Variants in PCDH17 observed in about 807,000 individuals in gnomAD.
PCDH17 encodes the protein protocadherin-17.
A neutral mutation model predicts 67.7 loss-of-function variants in PCDH17; 21 were observed. The observed-to-expected ratio is 0.31, with a 90% CI of 0.22 to 0.45. PCDH17 has a LOEUF of 0.45. PCDH17 is among the 20% of genes least tolerant of loss of function. The pLI, the probability that PCDH17 is intolerant of heterozygous loss-of-function variation, is 1.00. For synonymous variants in PCDH17, 701 were observed against 656.7 expected, an observed-to-expected ratio of 1.07 and a Z score of -1.03; for missense variants, 1,471 against 1,564.8, an observed-to-expected ratio of 0.94 and a Z score of 1.01.
At position 57,725,059 on chromosome 13, in the gene PCDH17, G is replaced by T; in HGVS notation, c.3245G>T (p.Ser1082Ile). Residue 1082 changes from serine (S) to isoleucine (I), a missense_variant, in exon 4 of 4, where the codon AGT (serine) becomes ATT (isoleucine). By Grantham distance (142) the Ser-to-Ile change is moderately radical. Coordinates refer to ENST00000377918, the MANE Select transcript of PCDH17 (RefSeq NM_001040429.3). ...LPTDSQYLSP[S>I]KQPRDPPFMA... is the part of the protein sequence containing the mutation. ...ACTGACAGTCAATATCTGTCACCTA[G>T]TAAGCAACCAAGAGACCCTCCCTTC... 1 of 1,614,132 alleles carries T rather than the reference G, an allele frequency of 6.2e-7. No homozygotes were observed. Among genetic ancestry groups the T allele is most frequent in the Non-Finnish European group, 8.5e-7 (1 of 1,180,006 alleles).
At position 57,632,674 on chromosome 13, in the gene PCDH17, G is replaced by C. The variant is rs1175208419; in HGVS notation, c.128G>C (p.Arg43Pro). ...ATCGGGAACATCGGCAGGGATGCTC[G>C]ACTGCAGCCTGGGCTTCCGCCTGCA... Reference protein sequence around the residue: ...TVIGNIGRDARLQPGLPPAER... With the variant: ...TVIGNIGRDAPLQPGLPPAER... The change falls in exon 1 of 4, where the codon CGA becomes CCA. Residue 43 changes from arginine to proline, a missense_variant. Physicochemically the swap from Arg to Pro is moderately radical, Grantham distance 103 (BLOSUM62 -2). This residue lies in a region of PCDH17 where 1,163 missense variants were observed against 1,230.0 expected (regional missense o/e 0.95). Coordinates refer to ENST00000377918, the MANE Select transcript of PCDH17 (RefSeq NM_001040429.3). 1 of 1,611,716 alleles carries C rather than the reference G, an allele frequency of 6.2e-7. No individual in the cohort carries two copies.
Position 57,633,211 on chromosome 13 carries a change from C to T in PCDH17, c.665C>T (p.Pro222Leu). 6.2e-7 allele frequency: 1 copy of T among 1,613,216 alleles called. No individual in the cohort carries two copies. Among genetic ancestry groups the T allele is most frequent in the African/African-American group, 1.3e-5 (1 of 74,984 alleles). ...VLTALDGGEPPRSATVQINVK... is the reference protein window; with the variant it reads ...VLTALDGGEPLRSATVQINVK... ...ACTGCCCTGGACGGTGGCGAGCCTC[C>T]ACGTTCCGCCACCGTACAGATCAAC... The change falls in exon 1 of 4, where the codon CCA becomes CTA. Residue 222 changes from proline to leucine, a missense_variant. This residue lies in a region of PCDH17 where 1,163 missense variants were observed against 1,230.0 expected (regional missense o/e 0.95). Transcript: ENST00000377918. The surrounding 1 kb of genome is among the most constrained non-coding windows in gnomAD (Gnocchi z 6.2).
At chr13:57,668,029 G>A (rs947778138) in intron 3 of PCDH17, among the ~76,000 whole-genome samples, 2 of 151,484 alleles carry the variant, frequency 1.3e-5, no homozygotes, top group African/African-American at 4.8e-5. Flanking sequence ...CTAGACCGAT[G>A]ACTTTTTTCA....
chr13:57,638,304 C>T (rs565191156), intron 1 of PCDH17, among the ~76,000 whole-genome samples: 2 of 151,954 alleles, frequency 1.3e-5, no homozygotes, highest in African/African-American at 4.8e-5. Context: ...AACTGCTTAT[C>T]GTGATTTATC....
chr13:57,644,385 C>CA (rs1555282727), intron 1 of PCDH17, among the ~76,000 whole-genome samples: 1 of 151,408 alleles, frequency 6.6e-6, no homozygotes, highest in African/African-American at 2.4e-5. Context: ...TTTATAGAGA[C>CA]TTTTTTTTCC....
intron 3 of PCDH17, among the ~76,000 whole-genome samples, chr13:57,679,484 A>C (rs932732809): frequency 6.6e-6 from 1 of 151,466 alleles, no homozygotes; most frequent in African/African-American, 2.4e-5. Context: ...ATCACAGCAT[A>C]GGATCATTTT....
chr13:57,692,745 G>C (rs998747597), intron 3 of PCDH17, among the ~76,000 whole-genome samples: 1 of 150,810 alleles, frequency 6.6e-6, no homozygotes, highest in East Asian at 1.9e-4. Context: ...CCCTTTCAAA[G>C]GGGAGAAGAA....
At chr13:57,717,785 G>T (rs1016801992) in intron 3 of PCDH17, among the ~76,000 whole-genome samples, 12 of 151,978 alleles carry the variant, frequency 7.9e-5, no homozygotes, top group African/African-American at 2.9e-4. Flanking sequence ...ACTTCACAAA[G>T]TAAAATCTGG....
At chr13:57,695,753 A>G (rs1566238793) in intron 3 of PCDH17, among the ~76,000 whole-genome samples, 1 of 151,354 alleles carries the variant, frequency 6.6e-6, no homozygotes. Flanking sequence ...CTTTATATTC[A>G]GCTCTTTACT....
chr13:57,680,752 C>T (rs1955440835), intron 3 of PCDH17, among the ~76,000 whole-genome samples: 1 of 151,458 alleles, frequency 6.6e-6, no homozygotes, highest in South Asian at 2.1e-4. Flanking sequence ...TTGCTGTGCC[C>T]AAGACTTTTA....
chr13:57,685,361 T>C (rs553077685), intron 3 of PCDH17, among the ~76,000 whole-genome samples: 1 of 151,970 alleles, frequency 6.6e-6, no homozygotes, highest in Non-Finnish European at 1.5e-5. Context: ...TGCTATACAT[T>C]CTTTTGTATC....
intron 3 of PCDH17, among the ~76,000 whole-genome samples, chr13:57,715,827 A>T (rs1320389365): frequency 1.3e-5 from 2 of 151,904 alleles, no homozygotes; most frequent in African/African-American, 4.8e-5. Flanking sequence ...ATACTTTACC[A>T]TATGAAATGT....
chr13:57,679,142 AT>A (rs921315511), intron 3 of PCDH17, among the ~76,000 whole-genome samples: 12 of 151,636 alleles, frequency 7.9e-5, no homozygotes, highest in Admixed American at 2.6e-4. Flanking sequence ...CAAGATATGG[AT>A]TTTTTTATTT....
intron 3 of PCDH17, among the ~76,000 whole-genome samples, chr13:57,704,383 A>G (rs1955697025): frequency 6.6e-6 from 1 of 152,064 alleles, no homozygotes; most frequent in African/African-American, 2.4e-5. Context: ...TAGAAAAGCA[A>G]AAGTCTATCA....
intron 1 of PCDH17, among the ~76,000 whole-genome samples, chr13:57,661,658 A>G (rs139001145): frequency 0.011 from 1,618 of 152,032 alleles, 16 homozygotes; most frequent in Non-Finnish European, 0.015. Flanking sequence ...GTGTATGTGT[A>G]TGTGTGTGTG....
rs191903985 is a variant in PCDH17 at position 57,693,517 on chromosome 13, G to T, written c.2797+26684G>T. 3.0e-4 allele frequency among the ~76,000 whole-genome samples: 45 copies of T among 149,510 alleles called. No individual in the cohort carries two copies. The East Asian group carries it at 4.5e-3, about 15-fold the overall frequency. Reference sequence around the variant, plus strand: ...AGTCCTATATATATTATTTGGAAATGATGCGTAAAGTCAAATTTCATATAT... The same window carrying T: ...AGTCCTATATATATTATTTGGAAATTATGCGTAAAGTCAAATTTCATATAT... On this transcript the variant is annotated intron_variant, in intron 3 of 3. Transcript: ENST00000377918.
rs770558100 is a variant in PCDH17, at chr13:57,633,264, A to G, written c.718A>G (p.Ser240Gly). 6.2e-6 allele frequency: 10 copies of G among 1,613,148 alleles called. No individual in the cohort carries two copies. In the Admixed American group the frequency reaches 1.7e-4, roughly 27 times the overall value. The change falls in exon 1 of 4, where the codon AGC (serine) becomes GGC (glycine). Residue 240 changes from serine (S) to glycine (G), a missense_variant. Ser to Gly is a moderately conservative substitution (Grantham distance 56). Coordinates refer to ENST00000377918, the MANE Select transcript of PCDH17 (RefSeq NM_001040429.3). This position sits in a 1 kb window ranked among gnomAD's most constrained non-coding sequence, Gnocchi z 6.2. ...NVKVIDSNDN[S>G]PVFEAPSYLV... ...GAAGGTGATTGACTCCAACGACAAC[A>G]GCCCGGTCTTCGAGGCGCCATCCTA...
chr13:57,674,675 T>G (rs1955368343), intron 3 of PCDH17, among the ~76,000 whole-genome samples: 1 of 151,914 alleles, frequency 6.6e-6, no homozygotes, highest in Non-Finnish European at 1.5e-5. Context: ...AAGTACGCTT[T>G]TATGGAACTA....
At chr13:57,713,412 G>A (rs563145280) in intron 3 of PCDH17, among the ~76,000 whole-genome samples, 1 of 151,700 alleles carries the variant, frequency 6.6e-6, no homozygotes, top group South Asian at 2.1e-4. Context: ...GAACAGAATG[G>A]TTTTAGAGAG....
Sources: allele counts gnomAD v4.1 joint callset (sites outside exome capture counted in the v4.1 genomes callset), GRCh38; gene constraint gnomAD v4.1.1; regional missense constraint gnomAD v4.1.1; non-coding constraint Gnocchi (gnomAD v3.1); transcripts MANE v1.5; gene names NCBI Gene and HGNC (gene_info 2026-07-23, HGNC 2026-07-21).